GALNTL6: variants seen among roughly 807,000 people sequenced by gnomAD.
The protein encoded by GALNTL6 is polypeptide N-acetylgalactosaminyltransferase-like 6.
GALNTL6 carries 46 observed loss-of-function variants against 73.7 expected under a neutral mutation model. That is an observed-to-expected ratio of 0.62 (90% CI 0.49 to 0.80). The LOEUF (loss-of-function observed/expected upper bound fraction) is 0.80. Among genes scored for constraint, GALNTL6 ranks in the 30% least tolerant of loss-of-function variants. The probability of loss-of-function intolerance (pLI) is 0.00; values close to 1 mark genes in which losing one functional copy is unlikely to be tolerated. For missense variants in GALNTL6, 604 were observed against 755.0 expected (o/e 0.80, Z 2.34); for synonymous variants, 259 against 263.7 (o/e 0.98, Z 0.17).
intron 8 of GALNTL6, among the ~76,000 whole-genome samples, chr4:172,922,435 C>A (rs1226920776): frequency 6.6e-6 from 1 of 152,042 alleles, no homozygotes; most frequent in East Asian, 1.9e-4. Flanking sequence ...ATCATGTTCC[C>A]ACACTAATAC....
intron 2 of GALNTL6, among the ~76,000 whole-genome samples, chr4:172,023,561 C>T (rs560432594): frequency 1.3e-4 from 19 of 151,878 alleles, no homozygotes; most frequent in African/African-American, 4.1e-4. Context: ...CTCTTTCATG[C>T]TTTACTCTTC....
chr4:172,066,663 G>A (rs778522350), intron 2 of GALNTL6, among the ~76,000 whole-genome samples: 4 of 151,814 alleles, frequency 2.6e-5, no homozygotes, highest in African/African-American at 9.7e-5. Flanking sequence ...TAGAATGGCA[G>A]AGCCTGAGTC....
At chr4:172,280,272 A>T (rs1171022021) in intron 3 of GALNTL6, among the ~76,000 whole-genome samples, 4 of 152,192 alleles carry the variant, frequency 2.6e-5, no homozygotes, top group Non-Finnish European at 5.9e-5. Context: ...TGAAAACAAA[A>T]TTCTGAAGAC....
intron 5 of GALNTL6, among the ~76,000 whole-genome samples, chr4:172,387,420 A>G (rs1743511692): frequency 6.6e-6 from 1 of 152,100 alleles, no homozygotes; most frequent in Non-Finnish European, 1.5e-5. Context: ...TGATTTTCTG[A>G]ATATAAACTT....
intron 2 of GALNTL6, among the ~76,000 whole-genome samples, chr4:171,836,059 A>G (rs1735086243): frequency 7.3e-6 from 1 of 136,854 alleles, no homozygotes; most frequent in Non-Finnish European, 1.6e-5. Context: ...ATACAGCATC[A>G]TAAAATAGTG....
chr4:172,674,745 C>T (rs1291661716), intron 5 of GALNTL6, among the ~76,000 whole-genome samples: 2 of 152,008 alleles, frequency 1.3e-5, no homozygotes, highest in Admixed American at 1.3e-4. Context: ...AAATTCTTTC[C>T]TCTGCTTAGT....
chr4:172,907,675 C>T (rs184053101), intron 8 of GALNTL6, among the ~76,000 whole-genome samples: 70 of 152,292 alleles, frequency 4.6e-4, no homozygotes, highest in Non-Finnish European at 9.0e-4. Flanking sequence ...GTTTCTGTTC[C>T]GGTCCTCCGT....
intron 5 of GALNTL6, among the ~76,000 whole-genome samples, chr4:172,753,191 T>G (rs1316947459): frequency 6.6e-6 from 1 of 152,152 alleles, no homozygotes; most frequent in Admixed American, 6.5e-5. Context: ...GATGGTTCTA[T>G]AAAGGCAAAA....
At chr4:172,417,946 CTG>C (rs1730904257) in intron 5 of GALNTL6, among the ~76,000 whole-genome samples, 1 of 152,114 alleles carries the variant, frequency 6.6e-6, no homozygotes, top group Non-Finnish European at 1.5e-5. Context: ...TTTTTTGAGT[CTG>C]TTTCATTTTT....
intron 2 of GALNTL6, among the ~76,000 whole-genome samples, chr4:172,009,753 T>C (rs141266897): frequency 1.5e-4 from 23 of 152,250 alleles, no homozygotes; most frequent in African/African-American, 4.8e-4. Context: ...ATGTGGCTTA[T>C]TTTCCCAGTC....
At chr4:172,451,408 G>A (rs1045449007) in intron 5 of GALNTL6, among the ~76,000 whole-genome samples, 1 of 152,148 alleles carries the variant, frequency 6.6e-6, no homozygotes, top group Admixed American at 6.5e-5. Context: ...AGCTCTTAGA[G>A]CAAACCACAA....
At chr4:172,997,944 A>C (rs1751871594) in intron 10 of GALNTL6, among the ~76,000 whole-genome samples, 5 of 152,212 alleles carry the variant, frequency 3.3e-5, no homozygotes, top group Admixed American at 2.6e-4. Context: ...GGCTTTAGGA[A>C]AAGGTGATTT....
intron 7 of GALNTL6, among the ~76,000 whole-genome samples, chr4:172,843,451 G>C (rs1743327598): frequency 6.6e-6 from 1 of 152,168 alleles, no homozygotes. Context: ...CATTTACTCT[G>C]CTCTCAGCAT....
chr4:172,921,234 C>CT (rs1747773070), intron 8 of GALNTL6, among the ~76,000 whole-genome samples: 1 of 152,094 alleles, frequency 6.6e-6, no homozygotes, highest in Non-Finnish European at 1.5e-5. Flanking sequence ...TTAATAAATA[C>CT]TTTTTTGAGA....
intron 5 of GALNTL6, among the ~76,000 whole-genome samples, chr4:172,521,695 A>G (rs1044130432): frequency 7.2e-5 from 11 of 152,238 alleles, no homozygotes; most frequent in African/African-American, 2.7e-4. Flanking sequence ...GTTCATTTAC[A>G]TTCTCTCCAG....
chr4:172,463,801 G>A (rs1293729480), intron 5 of GALNTL6, among the ~76,000 whole-genome samples: 3 of 152,308 alleles, frequency 2.0e-5, no homozygotes, highest in Non-Finnish European at 2.9e-5. Flanking sequence ...CAAGCAATCT[G>A]TGGATGATTA....
chr4:171,897,689 C>T (rs1039646067), intron 2 of GALNTL6, among the ~76,000 whole-genome samples: 5 of 151,498 alleles, frequency 3.3e-5, no homozygotes, highest in Admixed American at 6.6e-5. Flanking sequence ...CTCACTCTGT[C>T]GCCCAGGCTG....
At chr4:171,924,481 A>G (rs1737913151) in intron 2 of GALNTL6, among the ~76,000 whole-genome samples, 1 of 152,192 alleles carries the variant, frequency 6.6e-6, no homozygotes, top group Non-Finnish European at 1.5e-5. Flanking sequence ...ATGATGGACT[A>G]TTTAGAGTAT....
intron 2 of GALNTL6, among the ~76,000 whole-genome samples, chr4:172,127,372 C>G (rs969920934): frequency 4.6e-5 from 7 of 152,246 alleles, no homozygotes; most frequent in African/African-American, 1.7e-4. Context: ...CAGCCTGCCA[C>G]TACCACCATA....
Sources: gnomAD v4.1 joint callset for allele counts (sites outside exome capture counted in the v4.1 genomes callset) on GRCh38, gnomAD v4.1.1 for gene constraint, MANE v1.5 for transcripts, NCBI Gene and HGNC (gene_info 2026-07-23, HGNC 2026-07-21) for gene names.